The following GATAD2B variants were observed in gnomAD, a reference collection of about 807,000 sequenced individuals.
GATAD2B encodes GATA zinc finger domain containing 2B.
In GATAD2B, 8 loss-of-function variants were observed where a neutral mutation model predicts 64.3. The ratio of observed to expected loss-of-function variants is 0.12; its 90% confidence interval spans 0.07 to 0.22. The LOEUF (loss-of-function observed/expected upper bound fraction) is 0.22. Among genes scored for constraint, GATAD2B ranks in the 10% least tolerant of loss-of-function variants. The pLI, the probability that GATAD2B is intolerant of heterozygous loss-of-function variation, is 1.00. For synonymous variants in GATAD2B, 281 were observed against 271.3 expected (o/e 1.04, Z -0.35); for missense variants, 453 against 752.0 (o/e 0.60, Z 4.65).
At chr1:153,845,694 G>A (rs1182288751) in intron 1 of GATAD2B, among the ~76,000 whole-genome samples, 2 of 152,086 alleles carry the variant, frequency 1.3e-5, no homozygotes, top group African/African-American at 4.8e-5. Flanking sequence ...CTGGGAGGTT[G>A]AGGCTGCAGT....
intron 1 of GATAD2B, among the ~76,000 whole-genome samples, chr1:153,897,662 A>G (rs1293142323): frequency 6.6e-6 from 1 of 152,188 alleles, no homozygotes; most frequent in Non-Finnish European, 1.5e-5. Context: ...AATTTCTTCT[A>G]TAGGGACCCA....
chr1:153,903,053 TAAAAATACAA>T (rs1677826565), intron 1 of GATAD2B, among the ~76,000 whole-genome samples: 1 of 151,860 alleles, frequency 6.6e-6, no homozygotes, highest in Non-Finnish European at 1.5e-5. Flanking sequence ...TGATCTCTAC[TAAAAATACAA>T]AAAAATTAGC....
At chr1:153,880,427 A>G (rs1175744577) in intron 1 of GATAD2B, among the ~76,000 whole-genome samples, 1 of 152,102 alleles carries the variant, frequency 6.6e-6, no homozygotes, top group African/African-American at 2.4e-5. Context: ...AGATCACACC[A>G]CTGCACTCCA....
At chr1:153,813,844 G>A (rs1674370597) in intron 7 of GATAD2B, among the ~76,000 whole-genome samples, 1 of 152,198 alleles carries the variant, frequency 6.6e-6, no homozygotes, top group Non-Finnish European at 1.5e-5. Flanking sequence ...CGGGCGTGGT[G>A]GCACGCGCCT....
chr1:153,915,372 A>G (rs1484685678), intron 1 of GATAD2B, among the ~76,000 whole-genome samples: 2 of 152,058 alleles, frequency 1.3e-5, no homozygotes, highest in Non-Finnish European at 2.9e-5. Context: ...GCAGTGAGCC[A>G]AGACTGCACC....
At chr1:153,904,386 A>T (rs1677865601) in intron 1 of GATAD2B, among the ~76,000 whole-genome samples, 2 of 152,068 alleles carry the variant, frequency 1.3e-5, no homozygotes, top group African/African-American at 4.8e-5. Context: ...TGGGGTTTAA[A>T]ACTAGGAAGT....
chr1:153,888,843 T>G (rs1040867522), intron 1 of GATAD2B, among the ~76,000 whole-genome samples: 12 of 152,184 alleles, frequency 7.9e-5, no homozygotes, highest in Non-Finnish European at 1.8e-4. Context: ...GACATTTTAC[T>G]CTACATTAAG....
At chr1:153,820,520 G>C (rs1674640316) in intron 2 of GATAD2B, among the ~76,000 whole-genome samples, 1 of 152,202 alleles carries the variant, frequency 6.6e-6, no homozygotes. Context: ...ATCCGTGACT[G>C]TATCTTCTAA....
chr1:153,901,751 G>C (rs1434181883), intron 1 of GATAD2B, among the ~76,000 whole-genome samples: 2 of 151,550 alleles, frequency 1.3e-5, no homozygotes, highest in African/African-American at 4.9e-5. Context: ...TTGAACCCAG[G>C]AGGTGGAGGC....
At chr1:153,914,998 T>C (rs781569586) in intron 1 of GATAD2B, among the ~76,000 whole-genome samples, 69 of 149,930 alleles carry the variant, frequency 4.6e-4, no homozygotes, top group Middle Eastern at 3.5e-3. Flanking sequence ...CCAAAGCAGA[T>C]GGATAGCTGA....
intron 1 of GATAD2B, among the ~76,000 whole-genome samples, chr1:153,896,470 C>G (rs942643975): frequency 1.5e-5 from 2 of 136,466 alleles, no homozygotes; most frequent in African/African-American, 5.5e-5. Flanking sequence ...GAGTTTCGCT[C>G]TTGTTGCCCA....
chr1:153,823,407 T>C (rs554055008), intron 2 of GATAD2B, among the ~76,000 whole-genome samples: 24 of 152,360 alleles, frequency 1.6e-4, no homozygotes, highest in Non-Finnish European at 2.2e-4. Flanking sequence ...ATACATACCT[T>C]ATTTCACAGG....
At chr1:153,902,957 C>T (rs994152103) in intron 1 of GATAD2B, among the ~76,000 whole-genome samples, 16 of 152,158 alleles carry the variant, frequency 1.1e-4, no homozygotes, top group Admixed American at 5.2e-4. Flanking sequence ...GTGGCTCACG[C>T]CTATAATCCC....
intron 1 of GATAD2B, chr1:153,890,687 A>G (rs1425044029): frequency 1.3e-5 from 2 of 152,122 alleles, no homozygotes; most frequent in Non-Finnish European, 2.9e-5. Context: ...CCAACTGCCC[A>G]TCTTTAAGGA....
chr1:153,873,160 T>G (rs1451887992), intron 1 of GATAD2B, among the ~76,000 whole-genome samples: 2 of 152,132 alleles, frequency 1.3e-5, no homozygotes. Flanking sequence ...TATTCTGATC[T>G]CACAGACTCC....
intron 1 of GATAD2B, among the ~76,000 whole-genome samples, chr1:153,891,728 T>G (rs1449891888): frequency 6.6e-6 from 1 of 151,638 alleles, no homozygotes. Context: ...AGATGTCCTT[T>G]TTTACTGTAA....
At chr1:153,840,226 G>A (rs1675430995) in intron 1 of GATAD2B, among the ~76,000 whole-genome samples, 1 of 150,830 alleles carries the variant, frequency 6.6e-6, no homozygotes, top group Admixed American at 6.6e-5. Flanking sequence ...TAGAGACGGG[G>A]GTTTCACCAT....
chr1:153,853,026 G>A, intron 1 of GATAD2B: 1 of 1,413,726 alleles, frequency 7.1e-7, no homozygotes, highest in Non-Finnish European at 1.0e-6. Context: ...ACCCTGTGAT[G>A]AATCCTTGGC....
chr1:153,836,852 A>G (rs1411238232), intron 1 of GATAD2B, among the ~76,000 whole-genome samples: 1 of 152,204 alleles, frequency 6.6e-6, no homozygotes, highest in African/African-American at 2.4e-5. Context: ...TGACAATTAT[A>G]CAAACAGCTG....
Sources: gnomAD v4.1 joint callset for allele counts (sites outside exome capture counted in the v4.1 genomes callset) on GRCh38, gnomAD v4.1.1 for gene constraint, MANE v1.5 for transcripts, NCBI Gene and HGNC (gene_info 2026-07-23, HGNC 2026-07-21) for gene names.